Variants in WAS observed in about 807,000 individuals in gnomAD.
WAS encodes the protein actin nucleation-promoting factor WAS.
Under a neutral mutation model 38.9 loss-of-function variants are expected in WAS, and 1 was observed. That is an observed-to-expected ratio of 0.03 (90% CI 0.01 to 0.12). The LOEUF (loss-of-function observed/expected upper bound fraction) is 0.12. Among genes scored for constraint, WAS ranks in the 10% least tolerant of loss-of-function variants. The pLI is 1.00. For synonymous variants in WAS, 182 were observed against 173.6 expected (o/e 1.05, Z -0.38); for missense variants, 311 against 431.2 (o/e 0.72, Z 2.47).
chrX:48,686,629 T>C, intron 6 of WAS, 152 bp from the exon 7 acceptor site: 1 of 581,995 alleles, frequency 1.7e-6, no homozygotes, highest in South Asian at 3.0e-5. Context: ...ATCCACCCAC[T>C]TCTCCATAGA....
At chrX:48,677,005 G>A (rs782583617) in intron 1 of WAS, among the ~76,000 whole-genome samples, 1 of 112,536 alleles carries the variant, frequency 8.9e-6, no homozygotes, top group Admixed American at 9.3e-5. Flanking sequence ...GGAAGGTAGG[G>A]CGCGCCCGCC....
chrX:48,689,452 G>C lies in WAS; in HGVS notation c.1453+18G>C, dbSNP rs781965107. 2.5e-6 allele frequency: 3 copies of C among 1,187,973 alleles called. No individual in the cohort carries two copies. In the African/African-American group the frequency reaches 5.3e-5, roughly 21 times the overall value. On this transcript the variant is annotated intron_variant, in intron 11 of 11. Coordinates refer to ENST00000376701, the MANE Select transcript of WAS (RefSeq NM_000377.3). ...CTCCTCCGGTGAGCTGATCCTGCCG[G>C]GGCCTCAAACCTGGCTCCCAGGGCT...
At chrX:48,687,788 T>C (rs1313302246) in intron 7 of WAS, among the ~76,000 whole-genome samples, 1 of 110,977 alleles carries the variant, frequency 9.0e-6, no homozygotes, top group Non-Finnish European at 1.9e-5. Flanking sequence ...GACAGATCAG[T>C]AGTCCAACAG....
At chrX:48,679,553 G>A (rs2062397062), upstream of WAS, among the ~76,000 whole-genome samples, 2 of 111,074 alleles carry the variant, frequency 1.8e-5, no homozygotes, top group Non-Finnish European at 1.9e-5. Flanking sequence ...GGAGGTGGAG[G>A]AGGGCAGAAT....
At chrX:48,676,928 C>T (rs1218993034) in intron 1 of WAS, among the ~76,000 whole-genome samples, 2 of 112,827 alleles carry the variant, frequency 1.8e-5, no homozygotes, top group African/African-American at 6.4e-5. Context: ...AGACAAGGCT[C>T]TGGACACCCA....
In WAS at chrX:48,686,763, A is replaced by T; in HGVS notation, c.560-18A>T. The T allele has an allele frequency of 8.3e-7, 1 of 1,209,536 alleles. No individual in the cohort carries two copies. The highest frequency in any genetic ancestry group is 1.1e-6 in the Non-Finnish European group (1 of 894,992). On this transcript the variant is annotated intron_variant, in intron 6 of 11. Coordinates refer to ENST00000376701, the MANE Select transcript of WAS (RefSeq NM_000377.3). ...TGGTAAGTGGGTCAATGAGCCAACCACCCTATTTTCCCCACAGGCCCTCCA... is the reference window on the plus strand; with the variant it reads ...TGGTAAGTGGGTCAATGAGCCAACCTCCCTATTTTCCCCACAGGCCCTCCA...
At chrX:48,678,609 A>G (rs1251950136) in intron 1 of WAS, among the ~76,000 whole-genome samples, 1 of 111,669 alleles carries the variant, frequency 9.0e-6, no homozygotes, top group Non-Finnish European at 1.9e-5. Context: ...AAGTAAATTA[A>G]CACTTCTGCT....
rs781829884 is a variant in WAS, at chrX:48,691,072, C to T, written c.1454-35C>T. On this transcript the variant is annotated intron_variant, in intron 11 of 11. Transcript: ENST00000376701. ...AGGCCCTATGAAGCCCCCCACCAAC[C>T]TCCCAGGGCATCTTATCTTTCTCTT... 87 of 1,198,541 alleles carry T rather than the reference C, an allele frequency of 7.3e-5. No individual in the cohort carries two copies. In the East Asian group the frequency reaches 2.6e-3, roughly 35 times the overall value.
At chrX:48,685,914 A>G (rs781948181) in intron 4 of WAS, 32 bp from the exon 5 acceptor site, 5 of 1,209,439 alleles carry the variant, frequency 4.1e-6, no homozygotes, top group Admixed American at 2.2e-5. Context: ...GTCCCCTCTC[A>G]TGGTCCTGGC....
At chrX:48,690,577 A>ATT (rs11357627) in intron 11 of WAS, among the ~76,000 whole-genome samples, 10 of 105,834 alleles carry the variant, frequency 9.4e-5, no homozygotes, top group Non-Finnish European at 1.8e-4. Flanking sequence ...TTCGACAATG[A>ATT]TTTTTTTTTT....
chrX:48,688,195 C>T (rs2062426078), intron 8 of WAS, 99 bp downstream of exon 8: 1 of 1,149,074 alleles, frequency 8.7e-7, no homozygotes, highest in Admixed American at 2.6e-5. Flanking sequence ...CCTTCCCACA[C>T]CCCTCTCAGA....
At chrX:48,682,889 A>C (rs2062405656), upstream of WAS, among the ~76,000 whole-genome samples, 1 of 104,399 alleles carries the variant, frequency 9.6e-6, no homozygotes, top group Non-Finnish European at 2.0e-5. Flanking sequence ...GTGAGACTCC[A>C]TCTCAAAAAA....
intron 6 of WAS, 46 bp downstream of exon 6, chrX:48,686,180 T>A: frequency 8.4e-7 from 1 of 1,189,835 alleles, no homozygotes. Flanking sequence ...TGGGTAAGAG[T>A]GGATGGAGGA....
upstream of WAS, among the ~76,000 whole-genome samples, chrX:48,683,535 C>T (rs1355360168): frequency 2.7e-5 from 3 of 111,577 alleles, no homozygotes; most frequent in East Asian, 8.5e-4. Flanking sequence ...GCTAAGCTCT[C>T]GCTGCCAGCC....
chrX:48,688,473 C>A lies in WAS; in HGVS notation c.931+20C>A, dbSNP rs782462041. Reference sequence around the variant, plus strand: ...GCCAGGGTGAGACCCTGCTTCCATACGCTCCCTTCTCTAGCCCAAGCAGCT... The same window carrying A: ...GCCAGGGTGAGACCCTGCTTCCATAAGCTCCCTTCTCTAGCCCAAGCAGCT... On this transcript the variant is annotated intron_variant, in intron 9 of 11. Coordinates refer to ENST00000376701, the MANE Select transcript of WAS (RefSeq NM_000377.3). 2.4e-5 allele frequency: 29 copies of A among 1,208,337 alleles called. No individual in the cohort carries two copies. The South Asian group carries it at 4.6e-4, about 19-fold the overall frequency.
intron 2 of WAS, among the ~76,000 whole-genome samples, chrX:48,685,210 T>C (rs990429942): frequency 1.8e-5 from 2 of 111,136 alleles, no homozygotes; most frequent in African/African-American, 6.6e-5. Flanking sequence ...CTGTCATGAA[T>C]TGGGGCTGGG....
intron 7 of WAS, 44 bp from the exon 8 acceptor site, chrX:48,688,010 G>C: frequency 8.4e-7 from 1 of 1,184,475 alleles, no homozygotes; most frequent in Non-Finnish European, 1.1e-6. Context: ...AGGGAGGGAA[G>C]GAAGGGCAGT....
chrX:48,683,031 ATCACAGGGGC>A (rs1268711073), upstream of WAS, among the ~76,000 whole-genome samples: 1 of 111,590 alleles, frequency 9.0e-6, no homozygotes, highest in East Asian at 2.8e-4. Flanking sequence ...ATAGGCGTGG[ATCACAGGGGC>A]TCGCTCTGTA....
Position 48,686,226 on chromosome X carries a change from G to T in WAS, c.559+92G>T, listed in dbSNP as rs910533267. On this transcript the variant is annotated intron_variant, in intron 6 of 11. Coordinates refer to ENST00000376701, the MANE Select transcript of WAS (RefSeq NM_000377.3). ...GGATGGGTGCGTAAGTGGGTGAATG[G>T]ATAGGTAGATTGATAGGTATGTGGA... 8.8e-6 allele frequency: 9 copies of T among 1,019,596 alleles called. No homozygotes were observed. The East Asian group carries it at 9.3e-5, about 10-fold the overall frequency. The allele number at this position is 1,019,596 out of a possible 1,213,427, so 84.0% of individuals were successfully genotyped here. A position where few individuals can be genotyped will look rare whatever the true frequency, so the allele number is the denominator to read the frequency against.
Sources: gnomAD v4.1 joint callset for allele counts (sites outside exome capture counted in the v4.1 genomes callset) on GRCh38, gnomAD v4.1.1 for gene constraint, MANE v1.5 for transcripts, NCBI Gene and HGNC (gene_info 2026-07-23, HGNC 2026-07-21) for gene names.